Variants in DSE observed in about 807,000 individuals in gnomAD.
DSE encodes the protein dermatan-sulfate epimerase.
In DSE, 36 loss-of-function variants were observed where a neutral mutation model predicts 84.4. That is an observed-to-expected ratio of 0.43 (90% CI 0.33 to 0.56). The LOEUF (loss-of-function observed/expected upper bound fraction) is 0.56. Among genes scored for constraint, DSE ranks in the 20% least tolerant of loss-of-function variants. The pLI, the probability that DSE is intolerant of heterozygous loss-of-function variation, is 0.06. For missense variants in DSE, 862 were observed against 1,169.6 expected (o/e 0.74, Z 3.84); for synonymous variants, 410 against 430.1 (o/e 0.95, Z 0.58).
chr6:116,357,796 A>G (rs1224824476), intron 2 of DSE, among the ~76,000 whole-genome samples: 2 of 152,094 alleles, frequency 1.3e-5, no homozygotes, highest in African/African-American at 2.4e-5. Flanking sequence ...ATGTCCCAAA[A>G]TGTATTAAAA....
Position 116,278,928 on chromosome 6 carries a change from T to C in DSE, c.-54+19961T>C, listed in dbSNP as rs199608870. On this transcript the variant is annotated intron_variant, in intron 2 of 3. Transcript: ENST00000430252. ...TCACCTCTAAATTGGTTATGTACCT[T>C]AACATCTCTGCATCTTGGCCCCTAA... 50 of 1,614,026 alleles carry C rather than the reference T, an allele frequency of 3.1e-5. No individual in the cohort carries two copies. The highest frequency in any genetic ancestry group is 3.4e-6 in the Non-Finnish European group (4 of 1,180,036).
At position 116,426,734 on chromosome 6, in the gene DSE, T is replaced by C; in HGVS notation, c.577T>C (p.Tyr193His). The change falls in exon 3 of 6, where the codon TAC (tyrosine) becomes CAC (histidine). Residue 193 changes from tyrosine (Y) to histidine (H), a missense_variant. Physicochemically the swap from Tyr to His is moderately conservative, Grantham distance 83 (BLOSUM62 2). Coordinates refer to ENST00000644252, the MANE Select transcript of DSE (RefSeq NM_013352.4). ...CTCAGGGTATATGTATGAAACTTCATACAGGAGAGGATGGGGATTTCAATA... is the reference window on the plus strand; with the variant it reads ...CTCAGGGTATATGTATGAAACTTCACACAGGAGAGGATGGGGATTTCAATA... ...NASGYMYETS[Y>H]RRGWGFQYLH... 6.2e-7 allele frequency: 1 copy of C among 1,614,162 alleles called. No homozygotes were observed. Among genetic ancestry groups the C allele is most frequent in the Non-Finnish European group, 8.5e-7 (1 of 1,180,032 alleles).
chr6:116,279,863 G>C, intron 2 of DSE: 1 of 1,613,028 alleles, frequency 6.2e-7, no homozygotes, highest in Non-Finnish European at 8.5e-7. Flanking sequence ...GCAGGCGAAC[G>C]CCCGTTTTCC....
intron 1 of DSE, among the ~76,000 whole-genome samples, chr6:116,380,963 T>C (rs923584722): frequency 4.6e-5 from 7 of 152,214 alleles, no homozygotes; most frequent in African/African-American, 1.7e-4. Flanking sequence ...TAGCCAGAAG[T>C]GTCAGCTCTT....
At chr6:116,330,729 T>G (rs1776886916) in intron 2 of DSE, among the ~76,000 whole-genome samples, 1 of 152,182 alleles carries the variant, frequency 6.6e-6, no homozygotes. Flanking sequence ...AACCTTCCAG[T>G]CTAGCAAATA....
Position 116,399,679 on chromosome 6 carries a change from C to T in DSE, c.416+13C>T, listed in dbSNP as rs765373035. On this transcript the variant is annotated intron_variant, in intron 2 of 5. Coordinates refer to ENST00000644252, the MANE Select transcript of DSE (RefSeq NM_013352.4). ...CGCAGCCTAGTTGGTAGATTTTTGT[C>T]TTGTTCTTCTTACTGTGGTAACTCT... 1.4e-5 allele frequency: 23 copies of T among 1,605,844 alleles called. 1 individual carries two copies. Among genetic ancestry groups the T allele is most frequent in the Admixed American group, 3.4e-5 (2 of 59,466 alleles).
intron 2 of DSE, among the ~76,000 whole-genome samples, chr6:116,421,154 C>T (rs1783047647): frequency 6.6e-6 from 1 of 152,074 alleles, no homozygotes; most frequent in Non-Finnish European, 1.5e-5. Flanking sequence ...AAATCAATAG[C>T]TCTTTCCTGT....
At chr6:116,316,350 GGCCTGTGACTGATATCTAC>G (rs887601338) in intron 2 of DSE, among the ~76,000 whole-genome samples, 1 of 151,950 alleles carries the variant, frequency 6.6e-6, no homozygotes, top group African/African-American at 2.4e-5. Flanking sequence ...AAGTAGGACT[GGCCTGTGACTGATATCTAC>G]AGACCTTACT....
At chr6:116,434,262 G>T (rs2115089688) in intron 5 of DSE, among the ~76,000 whole-genome samples, 1 of 152,230 alleles carries the variant, frequency 6.6e-6, no homozygotes, top group Admixed American at 6.5e-5. Flanking sequence ...ACAGGGAACT[G>T]ATTAATCATT....
intron 1 of DSE, among the ~76,000 whole-genome samples, chr6:116,395,192 G>A (rs112234295): frequency 0.014 from 2,177 of 151,844 alleles, 31 homozygotes; most frequent in Middle Eastern, 0.031. Flanking sequence ...TTGGGAGGCC[G>A]AGGCGGGTGG....
intron 1 of DSE, among the ~76,000 whole-genome samples, chr6:116,373,071 A>G (rs201435325): frequency 1.5e-4 from 21 of 141,480 alleles, no homozygotes; most frequent in Middle Eastern, 3.7e-3. Flanking sequence ...AAAAAAAAAA[A>G]GGGCTGGGTG....
At chr6:116,366,426 A>T (rs1206325411), upstream of DSE, 1 of 152,248 alleles carries the variant, frequency 6.6e-6, no homozygotes, top group African/African-American at 2.4e-5. Context: ...GAAGGAGCTT[A>T]TAATACTAAA....
At chr6:116,382,687 A>G (rs970214393) in intron 1 of DSE, among the ~76,000 whole-genome samples, 3 of 152,198 alleles carry the variant, frequency 2.0e-5, no homozygotes, top group African/African-American at 7.2e-5. Context: ...GAAAGGGGCA[A>G]AAACTCTTGA....
chr6:116,279,320 C>G (rs1773337908), intron 2 of DSE: 2 of 1,610,162 alleles, frequency 1.2e-6, no homozygotes, highest in African/African-American at 1.3e-5. Flanking sequence ...TCAGCGCTCT[C>G]CCTCTCAGCC....
In DSE at chr6:116,436,443, AGG is replaced by A. The variant is rs772896571; in HGVS notation, c.1977_1978del (p.Arg659SerfsTer43). The A allele has an allele frequency of 6.2e-7, 1 of 1,614,064 alleles. No individual in the cohort carries two copies. Among genetic ancestry groups the A allele is most frequent in the Non-Finnish European group, 8.5e-7 (1 of 1,180,032 alleles). ...CATGCACCTCCGAAGTCCCATCACC[AGG>A]GCAGCTTACCTCTTCATAGGGCCAT... ...VTMHLRSPIT[R>X]AAYLFIGPSI... On this transcript the variant is annotated frameshift_variant, in exon 6 of 6. Transcript: ENST00000644252. LOFTEE classifies it high-confidence loss of function.
chr6:116,391,979 G>A (rs190579866), intron 1 of DSE, among the ~76,000 whole-genome samples: 21 of 152,198 alleles, frequency 1.4e-4, no homozygotes, highest in Admixed American at 4.6e-4. Flanking sequence ...CTTTGGTATT[G>A]AGGAAACATT....
At chr6:116,299,617 T>C (rs1251664128) in intron 2 of DSE, among the ~76,000 whole-genome samples, 1 of 138,896 alleles carries the variant, frequency 7.2e-6, no homozygotes, top group African/African-American at 2.6e-5. Flanking sequence ...TGTATGTATG[T>C]AGGTAGGTAG....
upstream of DSE, among the ~76,000 whole-genome samples, chr6:116,367,479 T>C (rs538722546): frequency 1.5e-4 from 23 of 152,208 alleles, no homozygotes; most frequent in African/African-American, 5.5e-4. Flanking sequence ...AGAAGCCGCA[T>C]ACCTGTAACA....
chr6:116,256,069 C>T (rs538203901), intron 1 of DSE: 1 of 152,210 alleles, frequency 6.6e-6, no homozygotes, highest in Admixed American at 6.5e-5. Context: ...TAAACAAAGA[C>T]CCAGTGAGCA....
Sources: allele counts gnomAD v4.1 joint callset (sites outside exome capture counted in the v4.1 genomes callset), GRCh38; gene constraint gnomAD v4.1.1; transcripts MANE v1.5; gene names NCBI Gene and HGNC (gene_info 2026-07-23, HGNC 2026-07-21).